The following SGPL1 variants were observed in gnomAD, a reference collection of about 807,000 sequenced individuals.
The protein encoded by SGPL1 is SP-lyase 1.
SGPL1 carries 37 observed loss-of-function variants against 68.9 expected under a neutral mutation model. The ratio of observed to expected loss-of-function variants is 0.54; its 90% CI spans 0.41 to 0.71. The LOEUF (loss-of-function observed/expected upper bound fraction) is 0.71. SGPL1 is among the 30% of genes least tolerant of loss of function. The probability of loss-of-function intolerance (pLI) is 0.00; values close to 1 mark genes in which losing one functional copy is unlikely to be tolerated. For missense variants in SGPL1, 551 were observed against 704.6 expected (o/e 0.78, Z 2.47); for synonymous variants, 236 against 248.5 (o/e 0.95, Z 0.47).
chr10:70,849,587 TAGAA>T (rs1304385297), intron 3 of SGPL1, among the ~76,000 whole-genome samples: 1 of 152,134 alleles, frequency 6.6e-6, no homozygotes, highest in East Asian at 1.9e-4. Context: ...TAGGGAGAGT[TAGAA>T]AGAGAGGGAT....
intron 2 of SGPL1, among the ~76,000 whole-genome samples, chr10:70,822,821 A>G (rs1427750271): frequency 6.7e-6 from 1 of 149,532 alleles, no homozygotes; most frequent in Non-Finnish European, 1.5e-5. Context: ...TGTCATGGCA[A>G]TTTCACTGAA....
chr10:70,873,814 C>T (rs909697145), intron 12 of SGPL1, among the ~76,000 whole-genome samples: 2 of 152,188 alleles, frequency 1.3e-5, no homozygotes, highest in East Asian at 1.9e-4. Flanking sequence ...ACGGGGGCCT[C>T]ATTTGTAGTT....
chr10:70,846,710 A>C (rs1471932303), intron 3 of SGPL1, among the ~76,000 whole-genome samples: 1 of 152,208 alleles, frequency 6.6e-6, no homozygotes, highest in African/African-American at 2.4e-5. Flanking sequence ...GAGATCTGAG[A>C]TTTATATTTT....
chr10:70,850,929 G>A (rs1330597877), intron 3 of SGPL1, among the ~76,000 whole-genome samples: 1 of 152,208 alleles, frequency 6.6e-6, no homozygotes, highest in Non-Finnish European at 1.5e-5. Flanking sequence ...TTTACTGTGT[G>A]TGTTATGTGT....
chr10:70,869,906 C>T lies in SGPL1; in HGVS notation c.810+9C>T, dbSNP rs1846262102. On this transcript the variant is annotated intron_variant, in intron 9 of 14. Transcript: ENST00000373202. Reference sequence around the variant, plus strand: ...TGGAGGTGGATGTGCGGGTGAGTCCCTCTGGAGGGCCCACTGTCTGTGCTG... The same window carrying T: ...TGGAGGTGGATGTGCGGGTGAGTCCTTCTGGAGGGCCCACTGTCTGTGCTG... The T allele has an allele frequency of 1.2e-6, 2 of 1,609,006 alleles. No homozygotes were observed. Among genetic ancestry groups the T allele is most frequent in the Non-Finnish European group, 1.7e-6 (2 of 1,175,958 alleles).
intron 2 of SGPL1, among the ~76,000 whole-genome samples, chr10:70,824,315 A>G (rs1388581279): frequency 3.3e-5 from 5 of 152,266 alleles, no homozygotes; most frequent in Non-Finnish European, 5.9e-5. Flanking sequence ...TGAGTGAAAC[A>G]AAAACAGTAA....
In SGPL1 at chr10:70,816,853, G is replaced by A. The variant is rs781449613; in HGVS notation, c.-1G>A. The A allele has an allele frequency of 6.2e-7, 1 of 1,614,008 alleles. No individual in the cohort carries two copies. On this transcript the variant is annotated 5_prime_UTR_variant, in exon 2 of 15. Transcript: ENST00000373202. ...CGCGGAGAGGAGGCTGGAAGAGGAAGATGCCTAGCACAGACCTTCTGATGT... is the reference window on the plus strand; with the variant it reads ...CGCGGAGAGGAGGCTGGAAGAGGAAAATGCCTAGCACAGACCTTCTGATGT...
chr10:70,862,404 G>C (rs1846085479), intron 7 of SGPL1, among the ~76,000 whole-genome samples: 1 of 152,092 alleles, frequency 6.6e-6, no homozygotes, highest in Admixed American at 6.5e-5. Context: ...TCAGCGCCCT[G>C]ACAAAACAGA....
chr10:70,851,179 T>C lies in SGPL1; in HGVS notation c.230T>C (p.Leu77Pro). 6.2e-7 allele frequency: 1 copy of C among 1,613,958 alleles called. No homozygotes were observed. Among genetic ancestry groups the C allele is most frequent in the Non-Finnish European group, 8.5e-7 (1 of 1,179,834 alleles). Residue 77 changes from leucine (L) to proline (P), a missense_variant, in exon 4 of 15, where the codon CTC (leucine) becomes CCC (proline). Leu to Pro is a moderately conservative substitution (Grantham distance 98). Transcript: ENST00000373202. ...AGGTTTAAAAAGAAATGTTTTAAGCTCACCAGGAAGATGCCCATTATTGGT... is the reference window on the plus strand; with the variant it reads ...AGGTTTAAAAAGAAATGTTTTAAGCCCACCAGGAAGATGCCCATTATTGGT... ...WSRFKKKCFK[L>P]TRKMPIIGRK...
intron 2 of SGPL1, among the ~76,000 whole-genome samples, chr10:70,844,196 T>C (rs1845756922): frequency 6.6e-6 from 1 of 152,180 alleles, no homozygotes; most frequent in South Asian, 2.1e-4. Context: ...ATTTTAGGGC[T>C]GAAGTGACGA....
At chr10:70,837,084 C>CTT (rs111869565) in intron 2 of SGPL1, among the ~76,000 whole-genome samples, 24 of 144,596 alleles carry the variant, frequency 1.7e-4, no homozygotes, top group African/African-American at 6.1e-4. Flanking sequence ...AAAGTTAATG[C>CTT]TTTTTTTTTT....
In SGPL1 at chr10:70,857,667, A is replaced by C. The variant is rs567868498; in HGVS notation, c.463A>C (p.Lys155Gln). The C allele has an allele frequency of 1.2e-6, 2 of 1,612,360 alleles. No homozygotes were observed. Among genetic ancestry groups the C allele is most frequent in the Non-Finnish European group, 1.7e-6 (2 of 1,179,058 alleles). ...ASGTVYSGEEKLTELLVKAYG... is the reference protein window; with the variant it reads ...ASGTVYSGEEQLTELLVKAYG... Reference sequence around the variant, plus strand: ...TGGAACAGTGTACAGTGGGGAGGAGAAGCTCACTGAGCTCCTTGTGAAGGT... The same window carrying C: ...TGGAACAGTGTACAGTGGGGAGGAGCAGCTCACTGAGCTCCTTGTGAAGGT... Residue 155 changes from lysine to glutamine, a missense_variant, in exon 6 of 15, where the codon AAG becomes CAG. Coordinates refer to ENST00000373202, the MANE Select transcript of SGPL1 (RefSeq NM_003901.4).
Position 70,880,970 on chromosome 10 carries a change from A to G in SGPL1, c.*3635A>G, listed in dbSNP as rs1846485410. On this transcript the variant is annotated 3_prime_UTR_variant, in exon 15 of 15. Transcript: ENST00000373202. ...GCAGCTTTCACTCAGTGACACAAGT[A>G]ATTACTGAGTCCTAATTTGATAGCC... The G allele has an allele frequency of 6.6e-6, 1 of 152,146 alleles. No individual in the cohort carries two copies. 9.4% of individuals were successfully genotyped at this position (152,146 alleles called of 1,614,324 possible).
Position 70,838,545 on chromosome 10 carries a change from A to G in SGPL1, c.28-5928A>G, listed in dbSNP as rs181530552. Among the ~76,000 whole-genome samples the G allele has an allele frequency of 2.8e-3, 434 of 152,354 alleles. 4 individuals carry two copies. The highest frequency in any genetic ancestry group is 9.8e-3 in the African/African-American group (406 of 41,588). ...TATTCCTGACCTCACAAAAATGTTA[A>G]GAGAATAAATCGTAAGTATAAAAAG... is the stretch of plus-strand genomic sequence containing the variant. On this transcript the variant is annotated intron_variant, in intron 2 of 14. Coordinates refer to ENST00000373202, the MANE Select transcript of SGPL1 (RefSeq NM_003901.4).
intron 2 of SGPL1, among the ~76,000 whole-genome samples, chr10:70,833,541 T>C (rs1347763895): frequency 6.6e-6 from 1 of 152,238 alleles, no homozygotes; most frequent in African/African-American, 2.4e-5. Context: ...CTTTAATGCT[T>C]TTGGAGGCTA....
chr10:70,846,799 A>C (rs905615676), intron 3 of SGPL1, among the ~76,000 whole-genome samples: 1 of 152,240 alleles, frequency 6.6e-6, no homozygotes, highest in Non-Finnish European at 1.5e-5. Context: ...AACATTGTTT[A>C]TATTTATCAT....
chr10:70,876,712 G>A (rs550050639), intron 14 of SGPL1, 51 bp downstream of exon 14: 1 of 1,551,426 alleles, frequency 6.4e-7, no homozygotes, highest in African/African-American at 1.4e-5. Flanking sequence ...AGGTGTTGGT[G>A]GAGAGTTTGA....
In SGPL1 at chr10:70,876,582, TAGC is replaced by T; in HGVS notation, c.1488_1490del (p.Ala497del). ...ACATTACTACACGCCCGGAAACGAGTAGCTATACAATTCCTAAAGGACATTCGA... is the reference window on the plus strand; with the variant it reads ...ACATTACTACACGCCCGGAAACGAGTTATACAATTCCTAAAGGACATTCGA... On this transcript the variant is annotated inframe_deletion, in exon 14 of 15. Coordinates refer to ENST00000373202, the MANE Select transcript of SGPL1 (RefSeq NM_003901.4). 6.2e-7 allele frequency: 1 copy of T among 1,612,618 alleles called. No individual in the cohort carries two copies. Among genetic ancestry groups the T allele is most frequent in the Non-Finnish European group, 8.5e-7 (1 of 1,178,708 alleles).
intron 4 of SGPL1, among the ~76,000 whole-genome samples, chr10:70,851,462 C>A (rs569185498): frequency 2.6e-5 from 4 of 151,842 alleles, no homozygotes; most frequent in Non-Finnish European, 5.9e-5. Flanking sequence ...CAGCCCCCCC[C>A]CACCCACCAA....
Sources: gnomAD v4.1 joint callset for allele counts (sites outside exome capture counted in the v4.1 genomes callset) on GRCh38, gnomAD v4.1.1 for gene constraint, MANE v1.5 for transcripts, NCBI Gene and HGNC (gene_info 2026-07-23, HGNC 2026-07-21) for gene names.